The following ABCB5 variants were observed in gnomAD, a reference collection of about 807,000 sequenced individuals.
ABCB5 encodes the protein ATP binding cassette subfamily B member 5.
ABCB5 carries 155 observed loss-of-function variants against 144.2 expected under a neutral mutation model. That is an observed-to-expected ratio of 1.08 (90% CI 0.94 to 1.23). The LOEUF is 1.23. Ranked by LOEUF, ABCB5 falls within the 50% of genes most tolerant of loss-of-function variation. ABCB5 has a pLI of 0.00. For synonymous variants in ABCB5, 610 were observed against 528.6 expected, an observed-to-expected ratio of 1.15 and a Z score of -2.11; for missense variants, 1,830 against 1,520.8, an observed-to-expected ratio of 1.20 and a Z score of -3.38.
chr7:20,629,498 C>G (rs942126627), intron 4 of ABCB5, among the ~76,000 whole-genome samples: 1 of 152,086 alleles, frequency 6.6e-6, no homozygotes, highest in Non-Finnish European at 1.5e-5. Context: ...TGCAGTGGCT[C>G]ATGCCTGTAA....
At chr7:20,717,151 G>A (rs1056530053) in intron 20 of ABCB5, among the ~76,000 whole-genome samples, 6 of 152,078 alleles carry the variant, frequency 3.9e-5, no homozygotes, top group Non-Finnish European at 7.4e-5. Flanking sequence ...GCATCTCACC[G>A]GTTGTCTAGT....
intron 22 of ABCB5, 105 bp downstream of exon 22, chr7:20,727,245 C>A: frequency 1.5e-6 from 1 of 674,210 alleles, no homozygotes; most frequent in Non-Finnish European, 2.4e-6. Flanking sequence ...TGCTCTTGAG[C>A]CTTTCCTAAT....
chr7:20,681,072 CTT>C (rs1785801885), intron 14 of ABCB5, among the ~76,000 whole-genome samples: 1 of 13,704 alleles, frequency 7.3e-5, no homozygotes, highest in Admixed American at 1.1e-3. Flanking sequence ...TTCTTTCTTT[CTT>C]TCTTTCTTTC....
In ABCB5 at chr7:20,643,484, G is replaced by A. The variant is rs891481152; in HGVS notation, c.530G>A (p.Gly177Asp). 3.0e-5 allele frequency: 48 copies of A among 1,613,892 alleles called. No individual in the cohort carries two copies. The highest frequency in any genetic ancestry group is 1.6e-4 in the Middle Eastern group (1 of 6,084). Residue 177 changes from glycine (G) to aspartate (D), a missense_variant, in exon 7 of 28, where the codon GGT (glycine) becomes GAT (aspartate). Transcript: ENST00000404938. ...AGTGACATTGACAAAATCAGTGATG[G>A]TATTGGAGATAAGATTGCTCTGTTG... ...MTDDIDKISD[G>D]IGDKIALLFQ...
At chr7:20,731,740 T>A (rs1782229287) in intron 23 of ABCB5, among the ~76,000 whole-genome samples, 1 of 152,152 alleles carries the variant, frequency 6.6e-6, no homozygotes, top group African/African-American at 2.4e-5. Context: ...AGCCCAAAAA[T>A]GTTGGAGTCA....
chr7:20,683,953 G>A (rs1232475729), intron 15 of ABCB5, among the ~76,000 whole-genome samples: 1 of 98,994 alleles, frequency 1.0e-5, no homozygotes, highest in African/African-American at 4.0e-5. Flanking sequence ...GTCACTACAA[G>A]TTGACTCTAC....
At chr7:20,747,802 GA>G (rs1782775139) in intron 26 of ABCB5, among the ~76,000 whole-genome samples, 1 of 151,908 alleles carries the variant, frequency 6.6e-6, no homozygotes, top group Non-Finnish European at 1.5e-5. Context: ...GAAAAATAAG[GA>G]AACCTGATAC....
rs1583387628 is a variant in ABCB5, at chr7:20,643,377, T to G, written c.506+2T>G. On this transcript the variant is annotated splice_donor_variant, in intron 6 of 27. Coordinates refer to ENST00000404938, the MANE Select transcript of ABCB5 (RefSeq NM_001163941.2). LOFTEE classifies it high-confidence loss of function. ...TGAACTTAACACTCGCATGACAGAG[T>G]AAGAGGATGATATTGTAGTACGTTA... The G allele has an allele frequency of 6.2e-7, 1 of 1,613,754 alleles. No individual in the cohort carries two copies. Among genetic ancestry groups the G allele is most frequent in the Non-Finnish European group, 8.5e-7 (1 of 1,179,728 alleles).
intron 19 of ABCB5, among the ~76,000 whole-genome samples, chr7:20,702,953 A>G (rs1859779): frequency 0.83 from 125,150 of 151,330 alleles, 51,845 homozygotes; most frequent in Admixed American, 0.89. Context: ...TTTCATATAT[A>G]TTGCCTATGC....
intron 21 of ABCB5, among the ~76,000 whole-genome samples, chr7:20,724,664 T>C (rs1192649767): frequency 1.4e-5 from 2 of 147,274 alleles, no homozygotes; most frequent in East Asian, 4.1e-4. Flanking sequence ...GTTCCTCTCC[T>C]AATACTGTTT....
chr7:20,635,627 C>T (rs578164212), intron 5 of ABCB5, among the ~76,000 whole-genome samples: 23 of 151,976 alleles, frequency 1.5e-4, no homozygotes, highest in African/African-American at 5.5e-4. Flanking sequence ...CTTTTAATTC[C>T]TTAGTTAAAT....
rs543942734 is a variant in ABCB5 at position 20,696,424 on chromosome 7, T to G, written c.2011-1983T>G. On this transcript the variant is annotated intron_variant, in intron 16 of 27. Transcript: ENST00000404938. ...TGCAGGAGGAAGGAAGGAAGAGGAC[T>G]GGCAACTAAGAAGTGTGGAGAGAGG... 4.6e-5 allele frequency among the ~76,000 whole-genome samples: 7 copies of G among 152,188 alleles called. No individual in the cohort carries two copies. The East Asian group carries it at 1.3e-3, about 29-fold the overall frequency.
intron 7 of ABCB5, among the ~76,000 whole-genome samples, chr7:20,644,576 C>A (rs1388944101): frequency 1.3e-5 from 2 of 152,154 alleles, no homozygotes; most frequent in Non-Finnish European, 2.9e-5. Context: ...GAAACCGATA[C>A]TCTGTGAAAT....
chr7:20,674,576 A>T (rs1384066970), intron 14 of ABCB5, among the ~76,000 whole-genome samples: 1 of 151,784 alleles, frequency 6.6e-6, no homozygotes, highest in African/African-American at 2.4e-5. Flanking sequence ...TATAAGCCTC[A>T]TGGTATACAA....
intron 5 of ABCB5, among the ~76,000 whole-genome samples, chr7:20,642,882 C>T (rs552910943): frequency 5.9e-5 from 9 of 152,144 alleles, no homozygotes; most frequent in African/African-American, 1.7e-4. Flanking sequence ...CTACAATTAC[C>T]TTGATTGACT....
intron 14 of ABCB5, among the ~76,000 whole-genome samples, chr7:20,668,992 G>A (rs1349862245): frequency 1.1e-4 from 12 of 111,946 alleles, no homozygotes; most frequent in Admixed American, 1.7e-4. Context: ...TCAGCCCCCC[G>A]CCCGGCCAGC....
Position 20,660,576 on chromosome 7 carries a change from T to C in ABCB5, c.1707+1900T>C, listed in dbSNP as rs1458111203. On this transcript the variant is annotated intron_variant, in intron 14 of 27. Coordinates refer to ENST00000404938, the MANE Select transcript of ABCB5 (RefSeq NM_001163941.2). ...GGAAGCTGTAGCACCATGACAGCCC[T>C]CTCCTCTCACCACCATAGACTGCAG... Among the ~76,000 whole-genome samples, 3 of 152,188 alleles carry C rather than the reference T, an allele frequency of 2.0e-5. No individual in the cohort carries two copies. In the East Asian group the frequency reaches 5.8e-4, roughly 29 times the overall value.
intron 13 of ABCB5, 78 bp downstream of exon 13, chr7:20,651,701 C>T (rs1784600942): frequency 7.0e-7 from 1 of 1,422,000 alleles, no homozygotes; most frequent in Non-Finnish European, 9.8e-7. Flanking sequence ...AATGAAACAA[C>T]AACTGATGCA....
intron 14 of ABCB5, among the ~76,000 whole-genome samples, chr7:20,661,221 C>A (rs1784993266): frequency 6.6e-6 from 1 of 152,252 alleles, no homozygotes; most frequent in South Asian, 2.1e-4. Context: ...TGGAGCTGGG[C>A]TCCAAGCTCC....
Sources: allele counts gnomAD v4.1 joint callset (sites outside exome capture counted in the v4.1 genomes callset), GRCh38; gene constraint gnomAD v4.1.1; transcripts MANE v1.5; gene names NCBI Gene and HGNC (gene_info 2026-07-23, HGNC 2026-07-21).